CUX1: variants seen among roughly 807,000 people sequenced by gnomAD.
The protein encoded by CUX1 is protein CASP.
In CUX1, 31 loss-of-function variants were observed where a neutral mutation model predicts 158.8. The observed-to-expected ratio is 0.20, with a 90% confidence interval of 0.15 to 0.26. The LOEUF is 0.26. CUX1 is among the 10% of genes least tolerant of loss of function. The pLI is 1.00. For synonymous variants in CUX1, 879 were observed against 862.1 expected, an observed-to-expected ratio of 1.02 and a Z score of -0.34; for missense variants, 1,589 against 2,014.6, an observed-to-expected ratio of 0.79 and a Z score of 4.04.
At chr7:101,887,842 CATTTTTTT>C (rs769233666) in intron 1 of CUX1, among the ~76,000 whole-genome samples, 56 of 135,028 alleles carry the variant, frequency 4.1e-4, no homozygotes, top group African/African-American at 4.9e-4. Flanking sequence ...ATGACGGTGA[CATTTTTTT>C]TTTTTTTTTT....
chr7:101,966,779 A>G (rs1157807842), intron 2 of CUX1, among the ~76,000 whole-genome samples: 1 of 152,026 alleles, frequency 6.6e-6, no homozygotes, highest in Non-Finnish European at 1.5e-5. Context: ...ATATTCACCA[A>G]AATACACGTG....
At chr7:102,216,119 C>T (rs1280997583) in intron 20 of CUX1, among the ~76,000 whole-genome samples, 1 of 152,192 alleles carries the variant, frequency 6.6e-6, no homozygotes, top group African/African-American at 2.4e-5. Flanking sequence ...GCCTGGACAA[C>T]ATGGGGAAAC....
In CUX1 at chr7:102,253,697, A is replaced by G. The variant is rs1554540970; in HGVS notation, c.*4655A>G. On this transcript the variant is annotated 3_prime_UTR_variant, in exon 24 of 24. Transcript: ENST00000292535. ...CAGCCTTTGCCTTAAATGCAGTATG[A>G]CAGGCGCTTCTTGGCAGACCAGTAA... The G allele has an allele frequency of 1.0e-6, 1 of 985,374 alleles. No individual in the cohort carries two copies. The highest frequency in any genetic ancestry group is 1.2e-6 in the Non-Finnish European group (1 of 829,980). 61.0% of individuals were successfully genotyped at this position (985,374 alleles called of 1,614,324 possible). A position where few individuals can be genotyped will look rare whatever the true frequency, so the allele number is the denominator to read the frequency against.
chr7:101,945,732 G>T (rs947876073), intron 2 of CUX1, among the ~76,000 whole-genome samples: 8 of 152,204 alleles, frequency 5.3e-5, no homozygotes, highest in African/African-American at 1.7e-4. Flanking sequence ...CAAGAGGGAG[G>T]AGTTGGGGGT....
intron 8 of CUX1, among the ~76,000 whole-genome samples, chr7:102,156,173 C>A: frequency 6.6e-6 from 1 of 152,158 alleles, no homozygotes; most frequent in Admixed American, 6.5e-5. Flanking sequence ...AGCCCAGGGG[C>A]CCGGAGACAG....
intron 8 of CUX1, among the ~76,000 whole-genome samples, chr7:102,128,579 A>G (rs1285059896): frequency 6.6e-6 from 1 of 151,548 alleles, no homozygotes; most frequent in Non-Finnish European, 1.5e-5. Context: ...CACGGTGGGA[A>G]GAACCTGGGT....
At chr7:101,857,766 A>AC (rs1797021648) in intron 1 of CUX1, among the ~76,000 whole-genome samples, 3 of 151,824 alleles carry the variant, frequency 2.0e-5, no homozygotes, top group African/African-American at 4.8e-5. Flanking sequence ...TTTGCAGGGA[A>AC]TTTTTTTCCC....
chr7:102,174,907 A>G (rs1554511368), intron 10 of CUX1, among the ~76,000 whole-genome samples: 1 of 152,130 alleles, frequency 6.6e-6, no homozygotes. Flanking sequence ...CTGACGTGAC[A>G]CCACTGCACT....
chr7:102,272,142 C>CCGTT (rs1177046028), intron 14 of CUX1, among the ~76,000 whole-genome samples: 2 of 152,232 alleles, frequency 1.3e-5, no homozygotes, highest in Non-Finnish European at 2.9e-5. Context: ...CGGGAAGCCT[C>CCGTT]CGTTCTTTGA....
chr7:102,051,654 C>CAAAAAAAAAAAAAAAAAA (rs1299911064), intron 3 of CUX1, among the ~76,000 whole-genome samples: 15 of 89,742 alleles, frequency 1.7e-4, no homozygotes, highest in African/African-American at 5.6e-4. Context: ...GACTCTGTCT[C>CAAAAAAAAAAAAAAAAAA]AAAAAAAAAA....
chr7:101,969,911 A>G (rs1811730001), intron 2 of CUX1, among the ~76,000 whole-genome samples: 1 of 139,826 alleles, frequency 7.2e-6, no homozygotes, highest in South Asian at 2.4e-4. Context: ...GCGTATCAGG[A>G]TTCCACGGTC....
rs142872687 is a variant in CUX1 at position 102,159,504 on chromosome 7, C to G, written c.723+896C>G. ...CCATCCCCAAAACCCCTTCCTCCCC[C>G]CAGGAGCCCACAGAACAGGAAAACA... On this transcript the variant is annotated intron_variant, in intron 9 of 23. Coordinates refer to ENST00000292535, the MANE Select transcript of CUX1 (RefSeq NM_181552.4). 3.0e-4 allele frequency among the ~76,000 whole-genome samples: 45 copies of G among 152,322 alleles called. No individual in the cohort carries two copies. In the South Asian group the frequency reaches 5.0e-3, roughly 17 times the overall value.
chr7:101,971,341 A>G (rs1443018830), intron 2 of CUX1, among the ~76,000 whole-genome samples: 1 of 152,148 alleles, frequency 6.6e-6, no homozygotes, highest in Non-Finnish European at 1.5e-5. Flanking sequence ...GTGAGTGGGA[A>G]CGAAGAGGAA....
intron 3 of CUX1, among the ~76,000 whole-genome samples, chr7:102,060,433 G>A (rs1477497905): frequency 2.6e-5 from 4 of 151,966 alleles, no homozygotes; most frequent in East Asian, 3.9e-4. Context: ...CTGTTGACCC[G>A]GTTTCTATCC....
chr7:101,877,986 C>T (rs1031875958), intron 1 of CUX1, among the ~76,000 whole-genome samples: 8 of 152,126 alleles, frequency 5.3e-5, no homozygotes, highest in African/African-American at 1.9e-4. Flanking sequence ...GGAGAGGGGC[C>T]AGGCCCAGGG....
intron 9 of CUX1, among the ~76,000 whole-genome samples, chr7:102,165,736 C>T (rs1280762577): frequency 6.6e-6 from 1 of 152,076 alleles, no homozygotes; most frequent in Non-Finnish European, 1.5e-5. Flanking sequence ...TTGGGGGGCC[C>T]GTGGAACTTC....
chr7:102,096,161 A>C (rs201450), intron 4 of CUX1, among the ~76,000 whole-genome samples: 2 of 152,138 alleles, frequency 1.3e-5, no homozygotes, highest in Non-Finnish European at 1.5e-5. Context: ...CTCTGCACTT[A>C]GTTATCATCA....
intron 1 of CUX1, among the ~76,000 whole-genome samples, chr7:101,896,948 A>G (rs763826654): frequency 9.9e-5 from 15 of 152,220 alleles, no homozygotes; most frequent in Admixed American, 6.5e-4. Context: ...GTCAGTCCCT[A>G]TGAAGAGTAA....
At chr7:102,004,337 G>A (rs1413947057) in intron 2 of CUX1, among the ~76,000 whole-genome samples, 2 of 152,216 alleles carry the variant, frequency 1.3e-5, no homozygotes, top group African/African-American at 4.8e-5. Flanking sequence ...AGAATGAAGA[G>A]GTTGCCCTGA....
Sources: gnomAD v4.1 joint callset for allele counts (sites outside exome capture counted in the v4.1 genomes callset) on GRCh38, gnomAD v4.1.1 for gene constraint, MANE v1.5 for transcripts, NCBI Gene and HGNC (gene_info 2026-07-23, HGNC 2026-07-21) for gene names.